Variants in SAFB2 observed in about 807,000 individuals in gnomAD.
SAFB2 encodes scaffold attachment factor B2.
A neutral mutation model predicts 100.6 loss-of-function variants in SAFB2; 32 were observed. The ratio of observed to expected loss-of-function variants is 0.32; its 90% CI spans 0.24 to 0.43. The LOEUF is 0.43. Ranked by LOEUF, SAFB2 falls within the 20% of genes least tolerant of loss-of-function variation. The pLI, the probability that SAFB2 is intolerant of heterozygous loss-of-function variation, is 1.00. For missense variants in SAFB2, 1,185 were observed against 1,163.4 expected (o/e 1.02, Z -0.27); for synonymous variants, 500 against 439.4 (o/e 1.14, Z -1.72).
At chr19:5,621,546 G>A in intron 1 of SAFB2, 150 bp from the exon 2 acceptor site, 1 of 666,610 alleles carries the variant, frequency 1.5e-6, no homozygotes, top group Non-Finnish European at 2.7e-6. Context: ...AGCCCAAAAG[G>A]CGGAGGAGGA....
chr19:5,610,500 C>G, intron 8 of SAFB2, 139 bp downstream of exon 8: 1 of 690,800 alleles, frequency 1.4e-6, no homozygotes, highest in Non-Finnish European at 2.5e-6. Context: ...ACTAGTCTCT[C>G]AAGAAACCAT....
chr19:5,616,449 G>C lies in SAFB2; in HGVS notation c.312C>G (p.Gly104=). ...GCCCGTCTCTGGAATCGTCTTCCAG[G>C]CCATTATCTTCTGTGCCTTCCTCCT... The part of the protein sequence containing the change: ...KMEEEGTEDN[G]LEDDSRDGQE... The change falls in exon 3 of 21, where the codon GGC becomes GGG. Residue 104 remains glycine, a synonymous_variant. Coordinates refer to ENST00000252542, the MANE Select transcript of SAFB2 (RefSeq NM_014649.3). 6.2e-7 allele frequency: 1 copy of C among 1,613,782 alleles called. No homozygotes were observed. The highest frequency in any genetic ancestry group is 1.1e-5 in the South Asian group (1 of 91,072).
chr19:5,600,833 G>A (rs975507383), intron 11 of SAFB2, among the ~76,000 whole-genome samples: 1 of 152,194 alleles, frequency 6.6e-6, no homozygotes, highest in African/African-American at 2.4e-5. Flanking sequence ...AAGGTGTTAA[G>A]TGCCATTTCA....
In SAFB2 at chr19:5,610,081, C is replaced by T. The variant is rs748033429; in HGVS notation, c.1210G>A (p.Gly404Ser). The T allele has an allele frequency of 2.0e-5, 33 of 1,614,006 alleles. No individual in the cohort carries two copies. In the East Asian group the frequency reaches 3.1e-4, roughly 15 times the overall value. Reference sequence around the variant, plus strand: ...CTGACCCACAGGTTCCGACCAGAACCGCTGCCGACCCGACCTGGCACGAGA... The same window carrying T: ...CTGACCCACAGGTTCCGACCAGAACTGCTGCCGACCCGACCTGGCACGAGA... ...IKDEKGRVGS[G>S]SGRNLWVSGL... The change falls in exon 9 of 21, where the codon GGT becomes AGT. Residue 404 changes from glycine to serine, a missense_variant. By Grantham distance (56) the Gly-to-Ser change is moderately conservative. This residue lies in a region of SAFB2 where 94 missense variants were observed against 135.1 expected (regional missense o/e 0.70). Coordinates refer to ENST00000252542, the MANE Select transcript of SAFB2 (RefSeq NM_014649.3).
chr19:5,609,033 C>G (rs1255285097), intron 9 of SAFB2, among the ~76,000 whole-genome samples: 2 of 108,006 alleles, frequency 1.9e-5, no homozygotes, highest in African/African-American at 7.3e-5. Context: ...GCCTGGGCAA[C>G]AGAGCGAGAC....
intron 9 of SAFB2, among the ~76,000 whole-genome samples, chr19:5,609,324 GAC>G (rs981578746): frequency 6.2e-5 from 6 of 96,038 alleles, no homozygotes; most frequent in Non-Finnish European, 1.0e-4. Flanking sequence ...TTTTTTTTAT[GAC>G]ATAGTCTCGC....
At chr19:5,590,696 C>T (rs768767451) in intron 17 of SAFB2, among the ~76,000 whole-genome samples, 2 of 152,224 alleles carry the variant, frequency 1.3e-5, no homozygotes, top group South Asian at 2.1e-4. Context: ...TCCACTAAGA[C>T]GTCACCAAAC....
intron 1 of SAFB2, 138 bp from the exon 2 acceptor site, chr19:5,621,534 C>A (rs957602253): frequency 3.3e-5 from 23 of 691,200 alleles, no homozygotes; most frequent in Non-Finnish European, 5.5e-5. Context: ...ATCTGGGCCG[C>A]AAGCCCAAAA....
chr19:5,601,501 G>A (rs1357628254), intron 11 of SAFB2, among the ~76,000 whole-genome samples: 2 of 152,004 alleles, frequency 1.3e-5, no homozygotes, highest in African/African-American at 4.8e-5. Context: ...ACAAGGTCAG[G>A]AGTTCGAGAC....
intron 11 of SAFB2, among the ~76,000 whole-genome samples, chr19:5,602,380 T>C (rs1411189269): frequency 7.0e-6 from 1 of 143,606 alleles, no homozygotes; most frequent in Non-Finnish European, 1.5e-5. Flanking sequence ...CTCGGGAGGC[T>C]GAGGCAGGAG....
At chr19:5,596,217 T>C (rs1258103635) in intron 13 of SAFB2, among the ~76,000 whole-genome samples, 1 of 152,210 alleles carries the variant, frequency 6.6e-6, no homozygotes, top group Non-Finnish European at 1.5e-5. Flanking sequence ...GAGCTGAGAT[T>C]GCGCCACTGT....
At position 5,612,337 on chromosome 19, in the gene SAFB2, GT is replaced by G. The variant is rs1349469047; in HGVS notation, c.634+202del. 4.9e-6 allele frequency: 3 copies of G among 608,858 alleles called. No homozygotes were observed. The African/African-American group carries it at 5.5e-5, about 11-fold the overall frequency. The allele number at this position is 608,858 out of a possible 1,614,324, so 37.7% of individuals were successfully genotyped here. A position where few individuals can be genotyped will look rare whatever the true frequency, so the allele number is the denominator to read the frequency against. ...GAATCACTACTACATTGCACCAAATGTATTTGACCTCAAGAAGCCAGAATGG... is the reference window on the plus strand; with the variant it reads ...GAATCACTACTACATTGCACCAAATGATTTGACCTCAAGAAGCCAGAATGG... On this transcript the variant is annotated intron_variant, in intron 6 of 20. Coordinates refer to ENST00000252542, the MANE Select transcript of SAFB2 (RefSeq NM_014649.3).
At chr19:5,620,448 CAA>C (rs2053117273) in intron 2 of SAFB2, among the ~76,000 whole-genome samples, 1 of 152,164 alleles carries the variant, frequency 6.6e-6, no homozygotes, top group Non-Finnish European at 1.5e-5. Context: ...GTCAAAGCTT[CAA>C]AGTTTTATGG....
At chr19:5,597,823 A>T (rs79505354) in intron 13 of SAFB2, among the ~76,000 whole-genome samples, 1 of 152,314 alleles carries the variant, frequency 6.6e-6, no homozygotes, top group East Asian at 1.9e-4. Flanking sequence ...TAAAATCCAA[A>T]TGTTCATTTT....
chr19:5,587,483 C>A lies in SAFB2; in HGVS notation c.2706-84G>T, dbSNP rs185370662. 1.5e-5 allele frequency: 23 copies of A among 1,505,568 alleles called. No individual in the cohort carries two copies. The Admixed American group carries it at 3.7e-4, about 24-fold the overall frequency. The allele number at this position is 1,505,568 out of a possible 1,614,324, so 93.3% of individuals were successfully genotyped here. ...CATGGGTTCAGTAACGGTCCCGCAGCCTTTAGAGCGCTTGGGTTTTTTTTC... is the reference window on the plus strand; with the variant it reads ...CATGGGTTCAGTAACGGTCCCGCAGACTTTAGAGCGCTTGGGTTTTTTTTC... On this transcript the variant is annotated intron_variant, in intron 20 of 20. Coordinates refer to ENST00000252542, the MANE Select transcript of SAFB2 (RefSeq NM_014649.3). The surrounding 1 kb of genome is among the most constrained non-coding windows in gnomAD (Gnocchi z 4.9).
At chr19:5,603,295 A>G (rs2052703518) in intron 11 of SAFB2, among the ~76,000 whole-genome samples, 1 of 152,198 alleles carries the variant, frequency 6.6e-6, no homozygotes, top group East Asian at 1.9e-4. Flanking sequence ...AATTCCAATT[A>G]AAAATAATAA....
At chr19:5,597,597 G>A (rs777519744) in intron 13 of SAFB2, among the ~76,000 whole-genome samples, 6 of 152,140 alleles carry the variant, frequency 3.9e-5, no homozygotes, top group Admixed American at 6.5e-5. Context: ...AGAGGAAGCC[G>A]AGGAGCCCAA....
At position 5,593,981 on chromosome 19, in the gene SAFB2, T is replaced by A. The variant is rs748862788; in HGVS notation, c.2117A>T (p.His706Leu). The stretch of plus-strand genomic sequence containing the variant: ...GCGCCGCAGCTCCTCGCGCTCGCGG[T>A]GGATGCGCTCCTGCTCCTTCCTGCG... The part of the protein sequence containing the change: ...RERRKEQERI[H>L]REREELRRQQ... The change falls in exon 15 of 21, where the codon CAC (histidine) becomes CTC (leucine). Residue 706 changes from histidine (H) to leucine (L), a missense_variant. By Grantham distance (99) the His-to-Leu change is moderately conservative (BLOSUM62 -3). Around this residue, in one of 3 missense-constraint regions of SAFB2, gnomAD observed 740 missense variants for 687.1 expected, o/e 1.08. Coordinates refer to ENST00000252542, the MANE Select transcript of SAFB2 (RefSeq NM_014649.3). 1.6e-5 allele frequency: 25 copies of A among 1,554,856 alleles called. No individual in the cohort carries two copies. The highest frequency in any genetic ancestry group is 1.9e-5 in the Non-Finnish European group (22 of 1,157,318).
intron 1 of SAFB2, 152 bp from the exon 2 acceptor site, chr19:5,621,548 G>A: frequency 1.5e-6 from 1 of 662,786 alleles, no homozygotes; most frequent in Non-Finnish European, 2.7e-6. Context: ...CCCAAAAGGC[G>A]GAGGAGGAAC....
Sources: allele counts gnomAD v4.1 joint callset (sites outside exome capture counted in the v4.1 genomes callset), GRCh38; gene constraint gnomAD v4.1.1; regional missense constraint gnomAD v4.1.1; non-coding constraint Gnocchi (gnomAD v3.1); transcripts MANE v1.5; gene names NCBI Gene and HGNC (gene_info 2026-07-23, HGNC 2026-07-21).